The following LYPLAL1 variants were observed in gnomAD, a reference collection of about 807,000 sequenced individuals.
LYPLAL1 encodes lysophospholipase like 1.
In LYPLAL1, 23 loss-of-function variants were observed where a neutral mutation model predicts 19.7. The ratio of observed to expected loss-of-function variants is 1.17; its 90% confidence interval spans 0.84 to 1.65. LYPLAL1 has a LOEUF of 1.65. Ranked by LOEUF, LYPLAL1 falls within the 40% of genes most tolerant of loss-of-function variation. The probability of loss-of-function intolerance (pLI) is 0.00; values close to 1 mark genes in which losing one functional copy is unlikely to be tolerated. For synonymous variants in LYPLAL1, 119 were observed against 96.3 expected, an observed-to-expected ratio of 1.24 and a Z score of -1.38; for missense variants, 355 against 279.4, an observed-to-expected ratio of 1.27 and a Z score of -1.93.
the LYPLAL1 span, among the ~76,000 whole-genome samples, chr1:219,328,514 G>A: frequency 4.6e-5 from 7 of 152,218 alleles, no homozygotes; most frequent in East Asian, 1.3e-3. Context: ...CTGGCCAGTT[G>A]TGGATTTTTT....
At chr1:219,438,074 T>C in the LYPLAL1 span, among the ~76,000 whole-genome samples, 1 of 152,162 alleles carries the variant, frequency 6.6e-6, no homozygotes, top group South Asian at 2.1e-4. Flanking sequence ...GCCCTATTTG[T>C]CTTTTTTAAT....
At chr1:219,204,933 G>A (rs1658431683) in intron 3 of LYPLAL1, among the ~76,000 whole-genome samples, 2 of 151,974 alleles carry the variant, frequency 1.3e-5, no homozygotes, top group Non-Finnish European at 2.9e-5. Flanking sequence ...GATAATATAA[G>A]CATATTATCA....
At chr1:219,340,570 C>T in the LYPLAL1 span, among the ~76,000 whole-genome samples, 4 of 151,932 alleles carry the variant, frequency 2.6e-5, no homozygotes, top group African/African-American at 4.8e-5. Flanking sequence ...GTTTTCCATG[C>T]GTATACTTTT....
At chr1:219,279,910 C>T in the LYPLAL1 span, among the ~76,000 whole-genome samples, 1 of 151,440 alleles carries the variant, frequency 6.6e-6, no homozygotes, top group African/African-American at 2.4e-5. Flanking sequence ...TTCTAAAAGC[C>T]ACATCAGAAA....
chr1:219,352,501 G>C, the LYPLAL1 span, among the ~76,000 whole-genome samples: 1 of 152,102 alleles, frequency 6.6e-6, no homozygotes, highest in East Asian at 1.9e-4. Context: ...CTGGGTGACG[G>C]AGGAGACTCC....
the LYPLAL1 span, among the ~76,000 whole-genome samples, chr1:219,393,108 G>C: frequency 1.3e-5 from 2 of 152,246 alleles, no homozygotes; most frequent in South Asian, 4.1e-4. Context: ...AAGCTGTAAG[G>C]GTTGGTTACT....
At chr1:219,307,007 G>GATAT in the LYPLAL1 span, among the ~76,000 whole-genome samples, 2 of 143,506 alleles carry the variant, frequency 1.4e-5, no homozygotes, top group African/African-American at 2.7e-5. Flanking sequence ...TATTCCAAAT[G>GATAT]ATATATATAC....
the LYPLAL1 span, among the ~76,000 whole-genome samples, chr1:219,284,637 T>C: frequency 7.6e-6 from 1 of 132,104 alleles, no homozygotes; most frequent in Non-Finnish European, 1.8e-5. Context: ...AGCACTGTTC[T>C]CTGTGCTTTT....
At chr1:219,259,611 A>C in the LYPLAL1 span, among the ~76,000 whole-genome samples, 1 of 151,514 alleles carries the variant, frequency 6.6e-6, no homozygotes, top group East Asian at 1.9e-4. Context: ...AGGCATAAGA[A>C]TGATATAATG....
the LYPLAL1 span, among the ~76,000 whole-genome samples, chr1:219,235,424 A>G: frequency 6.6e-6 from 1 of 152,208 alleles, no homozygotes; most frequent in Non-Finnish European, 1.5e-5. Flanking sequence ...AGCATTTTTT[A>G]CAGGACATAA....
In LYPLAL1 at chr1:219,193,199, TTTGA is replaced by T. The variant is rs1159139471; in HGVS notation, c.315_318del (p.Ile105MetfsTer4). The stretch of plus-strand genomic sequence containing the variant: ...ATGTCATGTGTCAAGTGCTTACTGA[TTTGA>T]TTGATGAAGAAGTAAAAAGTGGCAT... On this transcript the variant is annotated frameshift_variant, in exon 3 of 5. Transcript: ENST00000366928. LOFTEE classifies it high-confidence loss of function. 6.2e-7 allele frequency: 1 copy of T among 1,610,592 alleles called. No homozygotes were observed. Among genetic ancestry groups the T allele is most frequent in the Admixed American group, 1.7e-5 (1 of 59,760 alleles).
At chr1:219,435,953 G>A in the LYPLAL1 span, among the ~76,000 whole-genome samples, 15 of 152,194 alleles carry the variant, frequency 9.9e-5, no homozygotes, top group Non-Finnish European at 1.6e-4. Context: ...GTCTGCACCA[G>A]AATGCAAAAT....
the LYPLAL1 span, among the ~76,000 whole-genome samples, chr1:219,291,117 T>C: frequency 6.6e-6 from 1 of 152,202 alleles, no homozygotes; most frequent in Non-Finnish European, 1.5e-5. Context: ...TAACACTTGG[T>C]ATATAGCAAG....
chr1:219,342,947 A>G, the LYPLAL1 span, among the ~76,000 whole-genome samples: 3 of 152,198 alleles, frequency 2.0e-5, no homozygotes, highest in African/African-American at 7.2e-5. Context: ...AGTTTAATTA[A>G]TAGATTGTTT....
the LYPLAL1 span, among the ~76,000 whole-genome samples, chr1:219,412,987 T>G: frequency 6.6e-6 from 1 of 152,228 alleles, no homozygotes; most frequent in East Asian, 1.9e-4. Flanking sequence ...CTATTTGTGA[T>G]TGCATCTTTG....
chr1:219,392,530 C>T, the LYPLAL1 span, among the ~76,000 whole-genome samples: 18 of 152,010 alleles, frequency 1.2e-4, no homozygotes, highest in Admixed American at 1.1e-3. Flanking sequence ...TGATAGGTGT[C>T]GTATGCGTAC....
the LYPLAL1 span, among the ~76,000 whole-genome samples, chr1:219,292,930 C>T: frequency 6.6e-5 from 10 of 152,154 alleles, no homozygotes; most frequent in African/African-American, 2.4e-4. Context: ...CCTCTGCTCC[C>T]ACCCAAAGGC....
At chr1:219,252,448 A>G in the LYPLAL1 span, among the ~76,000 whole-genome samples, 3 of 152,082 alleles carry the variant, frequency 2.0e-5, no homozygotes, top group Admixed American at 6.6e-5. Flanking sequence ...ATTTTGAGGT[A>G]TGTTCCTTCG....
chr1:219,385,210 GA>G, the LYPLAL1 span, among the ~76,000 whole-genome samples: 1 of 152,124 alleles, frequency 6.6e-6, no homozygotes, highest in Non-Finnish European at 1.5e-5. Context: ...ATTGGGCAAA[GA>G]AAAAAACTCT....
Sources: gnomAD v4.1 joint callset for allele counts (sites outside exome capture counted in the v4.1 genomes callset) on GRCh38, gnomAD v4.1.1 for gene constraint, MANE v1.5 for transcripts, NCBI Gene and HGNC (gene_info 2026-07-23, HGNC 2026-07-21) for gene names.